MAP4K4: variants seen among roughly 807,000 people sequenced by gnomAD.
The protein encoded by MAP4K4 is mitogen-activated protein kinase kinase kinase kinase 4.
A neutral mutation model predicts 189.6 loss-of-function variants in MAP4K4; 38 were observed. The observed-to-expected ratio is 0.20, with a 90% CI of 0.15 to 0.26. The LOEUF is 0.26. MAP4K4 is among the 10% of genes least tolerant of loss of function. The pLI is 1.00. For missense variants in MAP4K4, 1,054 were observed against 1,726.9 expected (o/e 0.61, Z 6.91); for synonymous variants, 610 against 624.3 (o/e 0.98, Z 0.34).
At chr2:101,859,537 CAG>C (rs2097572478) in intron 14 of MAP4K4, 104 bp from the exon 15 acceptor site, 2 of 879,422 alleles carry the variant, frequency 2.3e-6, no homozygotes, top group South Asian at 1.8e-5. Context: ...TTACAAAACA[CAG>C]AGGGAAAATA....
chr2:101,874,951 A>T (rs1373502375), intron 26 of MAP4K4, among the ~76,000 whole-genome samples: 5 of 152,184 alleles, frequency 3.3e-5, no homozygotes, highest in Admixed American at 6.5e-5. Flanking sequence ...GTTGATGTTT[A>T]TATGTTAGTT....
chr2:101,699,382 G>A (rs559516605), intron 2 of MAP4K4, among the ~76,000 whole-genome samples: 2 of 152,218 alleles, frequency 1.3e-5, no homozygotes, highest in Non-Finnish European at 2.9e-5. Flanking sequence ...ACAGTCTAGA[G>A]ATTATGAAAG....
intron 1 of MAP4K4, among the ~76,000 whole-genome samples, 153 bp from the exon 2 acceptor site, chr2:101,698,320 C>G (rs898258099): frequency 6.6e-6 from 1 of 151,150 alleles, no homozygotes; most frequent in Non-Finnish European, 1.5e-5. Context: ...CCCCCACGCC[C>G]CGAGCCCGCC....
intron 3 of MAP4K4, among the ~76,000 whole-genome samples, chr2:101,800,291 T>C (rs142976029): frequency 1.9e-4 from 29 of 152,174 alleles, no homozygotes; most frequent in African/African-American, 7.0e-4. Context: ...AGAGACCAGG[T>C]CTCCCTGTGT....
At chr2:101,728,374 C>T (rs931599734) in intron 2 of MAP4K4, among the ~76,000 whole-genome samples, 1 of 152,166 alleles carries the variant, frequency 6.6e-6, no homozygotes, top group Non-Finnish European at 1.5e-5. Context: ...CTGGAGACCA[C>T]ACTTTGAGAT....
chr2:101,849,682 T>A (rs1223349585), intron 12 of MAP4K4, among the ~76,000 whole-genome samples: 1 of 151,596 alleles, frequency 6.6e-6, no homozygotes, highest in Non-Finnish European at 1.5e-5. Context: ...TCCTCTGTAC[T>A]TTCATGACAC....
intron 2 of MAP4K4, among the ~76,000 whole-genome samples, chr2:101,706,736 T>G (rs1262983085): frequency 6.6e-6 from 1 of 152,232 alleles, no homozygotes; most frequent in Non-Finnish European, 1.5e-5. Flanking sequence ...TCCTGGAATG[T>G]CTGTTTCCTG....
At chr2:101,889,078 T>G (rs1483290520) in intron 32 of MAP4K4, 143 bp downstream of exon 32, 4 of 761,278 alleles carry the variant, frequency 5.3e-6, no homozygotes, top group Non-Finnish European at 8.1e-6. Flanking sequence ...TAGTCATGTT[T>G]GTGAGGATTG....
At chr2:101,867,066 C>A in intron 19 of MAP4K4, 146 bp from the exon 20 acceptor site, 1 of 605,178 alleles carries the variant, frequency 1.7e-6, no homozygotes, top group Admixed American at 3.0e-5. Context: ...TCCTTGGGCC[C>A]CCTCTGCTCT....
intron 5 of MAP4K4, among the ~76,000 whole-genome samples, chr2:101,827,185 A>G (rs956422766): frequency 6.6e-6 from 1 of 152,180 alleles, no homozygotes; most frequent in African/African-American, 2.4e-5. Context: ...CTCTAAGCCA[A>G]CTTGAGTGTG....
chr2:101,867,170 T>A, intron 19 of MAP4K4, 42 bp from the exon 20 acceptor site: 1 of 1,301,754 alleles, frequency 7.7e-7, no homozygotes, highest in Non-Finnish European at 1.1e-6. Context: ...CATCCATATG[T>A]TGATATGTGT....
exon 33 of MAP4K4, chr2:101,893,545 GAGA>G (rs1053853041): frequency 1.3e-5 from 3 of 223,032 alleles, no homozygotes; most frequent in Non-Finnish European, 2.8e-5. Context: ...TACATATCAA[GAGA>G]AGAAGGAAAG....
rs1323487899 is a variant in MAP4K4 at position 101,863,733 on chromosome 2, C to T, written c.1867-88C>T. 1.2e-5 allele frequency: 10 copies of T among 830,886 alleles called. No individual in the cohort carries two copies. In the African/African-American group the frequency reaches 1.6e-4, roughly 13 times the overall value. The allele number at this position is 830,886 out of a possible 1,614,324, so 51.5% of individuals were successfully genotyped here. On this transcript the variant is annotated intron_variant, in intron 16 of 32. Transcript: ENST00000324219. ...CACCCCGGTGTGTATTCCGCCTCTG[C>T]CAGTTCCTGCTTTGGATTTGGTATT... is the stretch of plus-strand genomic sequence containing the variant.
At chr2:101,797,505 G>A in intron 3 of MAP4K4, 1 of 752,792 alleles carries the variant, frequency 1.3e-6, no homozygotes, top group Non-Finnish European at 1.9e-6. Flanking sequence ...AATGTGCCAT[G>A]TTTGTGGGAT....
At chr2:101,745,840 CTT>C (rs1228923462) in intron 2 of MAP4K4, among the ~76,000 whole-genome samples, 3 of 143,732 alleles carry the variant, frequency 2.1e-5, no homozygotes, top group Non-Finnish European at 3.1e-5. Context: ...TTGTTGCCTA[CTT>C]TTTTTTTTTT....
intron 2 of MAP4K4, among the ~76,000 whole-genome samples, chr2:101,718,351 G>A (rs2049662352): frequency 6.6e-6 from 1 of 152,068 alleles, no homozygotes; most frequent in South Asian, 2.1e-4. Flanking sequence ...GCATGTGCAT[G>A]GAGAGGTTAA....
At chr2:101,826,161 T>G (rs1041765350) in intron 5 of MAP4K4, among the ~76,000 whole-genome samples, 1 of 151,958 alleles carries the variant, frequency 6.6e-6, no homozygotes, top group East Asian at 1.9e-4. Context: ...ACCTACCACA[T>G]TTAAAAAAAA....
At chr2:101,763,637 A>G (rs1287214688) in intron 2 of MAP4K4, among the ~76,000 whole-genome samples, 2 of 152,220 alleles carry the variant, frequency 1.3e-5, no homozygotes, top group Non-Finnish European at 2.9e-5. Context: ...AAGGTTTTAA[A>G]TATGCCAGGA....
At chr2:101,820,405 A>G (rs2095976578) in intron 3 of MAP4K4, among the ~76,000 whole-genome samples, 1 of 152,214 alleles carries the variant, frequency 6.6e-6, no homozygotes, top group Non-Finnish European at 1.5e-5. Context: ...CAGGAACAAA[A>G]TTAAAATAAA....
Sources: gnomAD v4.1 joint callset for allele counts (sites outside exome capture counted in the v4.1 genomes callset) on GRCh38, gnomAD v4.1.1 for gene constraint, MANE v1.5 for transcripts, NCBI Gene and HGNC (gene_info 2026-07-23, HGNC 2026-07-21) for gene names.